The following CEP57 variants were observed in gnomAD, a reference collection of about 807,000 sequenced individuals.
The protein encoded by CEP57 is centrosomal protein of 57 kDa.
A neutral mutation model predicts 68.0 loss-of-function variants in CEP57; 40 were observed. The ratio of observed to expected loss-of-function variants is 0.59; its 90% CI spans 0.46 to 0.77. The LOEUF (loss-of-function observed/expected upper bound fraction) is 0.77, where lower values mean the gene tolerates loss of function less well. Among genes scored for constraint, CEP57 ranks in the 30% least tolerant of loss-of-function variants. The pLI, the probability that CEP57 is intolerant of heterozygous loss-of-function variation, is 0.00. For synonymous variants in CEP57, 219 were observed against 198.7 expected (o/e 1.10, Z -0.86); for missense variants, 606 against 580.7 (o/e 1.04, Z -0.45).
intron 3 of CEP57, 29 bp from the exon 4 acceptor site, chr11:95,813,438 AT>A (rs755526945): frequency 1.2e-6 from 2 of 1,606,622 alleles, no homozygotes; most frequent in Admixed American, 1.7e-5. Flanking sequence ...GGGTGAGTTG[AT>A]TTCTGCTTTT....
In CEP57 at chr11:95,824,687, C is replaced by T. The variant is rs188963739; in HGVS notation, c.885+2111C>T. On this transcript the variant is annotated intron_variant, in intron 8 of 10. Transcript: ENST00000325542. ...CCTATTCTGGAAAAACATGATGCCA[C>T]GAAGGATATTTATAAGTAAGGAGGA... Among the ~76,000 whole-genome samples, 440 of 152,160 alleles carry T rather than the reference C, an allele frequency of 2.9e-3. 4 individuals carry two copies. The highest frequency in any genetic ancestry group is 0.01 in the African/African-American group (422 of 41,488).
intron 6 of CEP57, among the ~76,000 whole-genome samples, chr11:95,819,809 A>G (rs557698035): frequency 1.1e-3 from 162 of 152,260 alleles, no homozygotes; most frequent in Non-Finnish European, 1.7e-3. Flanking sequence ...TATGTTGTCT[A>G]TTTCTTCTAG....
chr11:95,812,523 C>G (rs1862112696), intron 2 of CEP57, among the ~76,000 whole-genome samples: 1 of 151,882 alleles, frequency 6.6e-6, no homozygotes, highest in African/African-American at 2.4e-5. Context: ...CCTCCACACT[C>G]CCCACCCCAC....
chr11:95,812,205 T>C (rs545342), intron 2 of CEP57, among the ~76,000 whole-genome samples: 42,297 of 151,934 alleles, frequency 0.28, 7,064 homozygotes, highest in Non-Finnish European at 0.38. Context: ...TGTGCTCCTA[T>C]TAATAAAATG....
intron 2 of CEP57, among the ~76,000 whole-genome samples, chr11:95,804,012 A>T (rs1232499691): frequency 6.6e-6 from 1 of 152,214 alleles, no homozygotes; most frequent in Non-Finnish European, 1.5e-5. Context: ...TATACTTCAT[A>T]TAGCAAAATA....
At chr11:95,812,545 C>T (rs981957453) in intron 2 of CEP57, among the ~76,000 whole-genome samples, 6 of 151,938 alleles carry the variant, frequency 3.9e-5, no homozygotes, top group East Asian at 1.9e-4. Context: ...CGGGTTCAAG[C>T]GATTCTCCTG....
At position 95,827,899 on chromosome 11, in the gene CEP57, A is replaced by C. The variant is rs1450153706; in HGVS notation, c.999A>C (p.Ala333=). 1 of 1,614,072 alleles carries C rather than the reference A, an allele frequency of 6.2e-7. No homozygotes were observed. Among genetic ancestry groups the C allele is most frequent in the Admixed American group, 1.7e-5 (1 of 60,008 alleles). The change falls in exon 9 of 11, where the codon GCA becomes GCC. Residue 333 remains alanine (A), a synonymous_variant. Coordinates refer to ENST00000325542, the MANE Select transcript of CEP57 (RefSeq NM_014679.5). ...NDRVINSIPL[A]KQVSSRGGKS... is the part of the protein sequence containing the mutation. ...GAGTCATCAACAGTATTCCTTTGGC[A>C]AAGCAAGTATCTTCACGAGGTGGTA...
At chr11:95,828,142 A>T in intron 9 of CEP57, 115 bp downstream of exon 9, 2 of 1,249,950 alleles carry the variant, frequency 1.6e-6, no homozygotes, top group Non-Finnish European at 1.1e-6. Context: ...GGTTGAGCAC[A>T]ATCCTTATAC....
chr11:95,812,462 C>T (rs1011301336), intron 2 of CEP57, among the ~76,000 whole-genome samples: 3 of 151,916 alleles, frequency 2.0e-5, no homozygotes, highest in African/African-American at 4.8e-5. Flanking sequence ...ATCTCACTGT[C>T]GCCCAGGCTG....
At chr11:95,796,225 A>G (rs1392438679) in intron 1 of CEP57, among the ~76,000 whole-genome samples, 1 of 152,246 alleles carries the variant, frequency 6.6e-6, no homozygotes, top group Non-Finnish European at 1.5e-5. Flanking sequence ...TTCAATAAAT[A>G]TTTGAATTAT....
chr11:95,806,615 C>T (rs1861813259), intron 2 of CEP57, among the ~76,000 whole-genome samples: 1 of 152,158 alleles, frequency 6.6e-6, no homozygotes. Flanking sequence ...CATGGAGCCT[C>T]ACTCACTGCT....
chr11:95,803,507 A>G (rs1476181974), intron 2 of CEP57, among the ~76,000 whole-genome samples: 1 of 151,558 alleles, frequency 6.6e-6, no homozygotes, highest in Non-Finnish European at 1.5e-5. Context: ...GTGGAGAACT[A>G]CCAAGACAGC....
At chr11:95,814,861 C>A (rs570367070) in intron 4 of CEP57, among the ~76,000 whole-genome samples, 1 of 152,224 alleles carries the variant, frequency 6.6e-6, no homozygotes, top group South Asian at 2.1e-4. Context: ...GGTTCTCAGA[C>A]CCCTGTGGAT....
At chr11:95,793,795 T>C (rs190563505) in intron 1 of CEP57, among the ~76,000 whole-genome samples, 5 of 152,332 alleles carry the variant, frequency 3.3e-5, no homozygotes, top group African/African-American at 1.2e-4. Flanking sequence ...AGTATCTTAA[T>C]GGGCTTTGGA....
At chr11:95,804,499 G>A (rs529219392) in intron 2 of CEP57, among the ~76,000 whole-genome samples, 31 of 152,204 alleles carry the variant, frequency 2.0e-4, no homozygotes, top group African/African-American at 7.2e-4. Flanking sequence ...AGCTCTAGGC[G>A]CCCCTGAGGC....
rs199740953 is a variant in CEP57, at chr11:95,829,344, T to G, written c.1272+13T>G. ...ATACCAAGCCCAGGTAACTCAGTTT[T>G]CCTTCACTCAAGTTTCTAATGATTA... is the stretch of plus-strand genomic sequence containing the variant. On this transcript the variant is annotated intron_variant, in intron 10 of 10. Transcript: ENST00000325542. 15 of 1,612,594 alleles carry G rather than the reference T, an allele frequency of 9.3e-6. No individual in the cohort carries two copies. In the Admixed American group the frequency reaches 1.2e-4, roughly 13 times the overall value.
chr11:95,797,171 A>AACACAC (rs139300001), intron 1 of CEP57, among the ~76,000 whole-genome samples: 2 of 24,884 alleles, frequency 8.0e-5, no homozygotes, highest in Non-Finnish European at 1.5e-4. Context: ...CCCCCCTCCC[A>AACACAC]ACACACACAC....
intron 4 of CEP57, 126 bp from the exon 5 acceptor site, chr11:95,817,661 T>G: frequency 1.4e-6 from 1 of 721,942 alleles, no homozygotes; most frequent in South Asian, 1.5e-5. Flanking sequence ...TATGGTTTCA[T>G]CTTAATGTTA....
At chr11:95,813,349 G>T in intron 3 of CEP57, 119 bp from the exon 4 acceptor site, 1 of 1,261,790 alleles carries the variant, frequency 7.9e-7, no homozygotes, top group Admixed American at 2.1e-5. Flanking sequence ...CTGAAAAGGC[G>T]TCCAGGTCTG....
Sources: gnomAD v4.1 joint callset for allele counts (sites outside exome capture counted in the v4.1 genomes callset) on GRCh38, gnomAD v4.1.1 for gene constraint, MANE v1.5 for transcripts, NCBI Gene and HGNC (gene_info 2026-07-23, HGNC 2026-07-21) for gene names.